The following NFAT5 variants were observed in gnomAD, a reference collection of about 807,000 sequenced individuals.
NFAT5 encodes the protein nuclear factor of activated T cells 5.
A neutral mutation model predicts 166.5 loss-of-function variants in NFAT5; 31 were observed. That is an observed-to-expected ratio of 0.19 (90% CI 0.14 to 0.25). The LOEUF is 0.25. NFAT5 is among the 10% of genes least tolerant of loss of function. NFAT5 has a pLI of 1.00. For synonymous variants in NFAT5, 612 were observed against 639.7 expected (o/e 0.96, Z 0.65); for missense variants, 1,449 against 1,821.8 (o/e 0.80, Z 3.72).
At chr16:69,614,542 A>G (rs932937303) in intron 2 of NFAT5, among the ~76,000 whole-genome samples, 10 of 152,236 alleles carry the variant, frequency 6.6e-5, no homozygotes, top group Non-Finnish European at 1.5e-4. Flanking sequence ...TTGTGAATAT[A>G]GTGCAAATAA....
intron 13 of NFAT5, 79 bp from the exon 14 acceptor site, chr16:69,695,057 C>A: frequency 1.0e-6 from 1 of 1,003,760 alleles, no homozygotes; most frequent in Non-Finnish European, 1.5e-6. Context: ...TGAATCTTTA[C>A]TAATCAGATA....
rs1215637625 is a variant in NFAT5, at chr16:69,626,427, A to C, written c.152A>C (p.Lys51Thr). The change falls in exon 3 of 15, where the codon AAG becomes ACG. Residue 51 changes from lysine (K) to threonine (T), a missense_variant. Physicochemically the swap from Lys to Thr is moderately conservative, Grantham distance 78 (BLOSUM62 -1). Transcript: ENST00000349945. ...LEESVYDLLP[K>T]ELQLPPSRET... is the part of the protein sequence containing the mutation. ...GAATCTGTCTATGATCTTCTCCCAA[A>C]GGAGTTACAGTTACCTCCATCTAGA... 2 of 1,584,168 alleles carry C rather than the reference A, an allele frequency of 1.3e-6. No homozygotes were observed. Among genetic ancestry groups the C allele is most frequent in the Non-Finnish European group, 1.7e-6 (2 of 1,167,396 alleles).
intron 3 of NFAT5, among the ~76,000 whole-genome samples, chr16:69,627,676 TTAAA>T (rs1486195966): frequency 2.6e-5 from 4 of 152,140 alleles, no homozygotes; most frequent in African/African-American, 7.2e-5. Flanking sequence ...CAGGAAAACT[TTAAA>T]TATGGCAAAG....
chr16:69,620,560 C>A (rs139681547), intron 2 of NFAT5, among the ~76,000 whole-genome samples: 2 of 152,088 alleles, frequency 1.3e-5, no homozygotes, highest in Admixed American at 1.3e-4. Context: ...ATAGCAAGAC[C>A]GCGTCTCTAC....
chr16:69,626,611 A>T lies in NFAT5; in HGVS notation c.253+83A>T, dbSNP rs559257444. ...CATGAACAGTGCTGGCAAAATTCAT[A>T]CTAAAAAGAGTGTGATTTGAGGGTT... is the stretch of plus-strand genomic sequence containing the variant. On this transcript the variant is annotated intron_variant, in intron 3 of 14. Transcript: ENST00000349945. 69 of 1,204,538 alleles carry T rather than the reference A, an allele frequency of 5.7e-5. 1 individual carries two copies. The South Asian group carries it at 1.9e-3, about 34-fold the overall frequency. The allele number at this position is 1,204,538 out of a possible 1,614,324, so 74.6% of individuals were successfully genotyped here. A position where few individuals can be genotyped will look rare whatever the true frequency, so the allele number is the denominator to read the frequency against.
chr16:69,662,883 A>G (rs562881170), intron 7 of NFAT5, among the ~76,000 whole-genome samples: 1 of 147,072 alleles, frequency 6.8e-6, no homozygotes, highest in African/African-American at 2.5e-5. Context: ...GAGGAAAAGA[A>G]GAATAAACAT....
At chr16:69,649,478 T>C (rs2035580998) in intron 4 of NFAT5, 2 of 984,176 alleles carry the variant, frequency 2.0e-6, no homozygotes, top group Non-Finnish European at 2.4e-6. Flanking sequence ...CCAGGGAAAG[T>C]ATAATGACAT....
At position 69,680,978 on chromosome 16, in the gene NFAT5, T is replaced by C. The variant is rs529836170; in HGVS notation, c.1690+3643T>C. On this transcript the variant is annotated intron_variant, in intron 10 of 14. Transcript: ENST00000349945. The stretch of plus-strand genomic sequence containing the variant: ...TTTCACCATGTTGGCCAGGCTGGTC[T>C]CTAACTCCTGACCTCAAGTGATCCG... 4.6e-5 allele frequency among the ~76,000 whole-genome samples: 7 copies of C among 152,310 alleles called. No homozygotes were observed. The South Asian group carries it at 1.5e-3, about 32-fold the overall frequency.
intron 11 of NFAT5, among the ~76,000 whole-genome samples, chr16:69,687,784 C>G (rs955408536): frequency 1.3e-5 from 2 of 152,212 alleles, no homozygotes; most frequent in Admixed American, 6.5e-5. Flanking sequence ...ATAATCTTAT[C>G]TGTAAACATG....
At position 69,607,325 on chromosome 16, in the gene NFAT5, T is replaced by C. The variant is rs139726837; in HGVS notation, c.128-19078T>C. Among the ~76,000 whole-genome samples the C allele has an allele frequency of 7.5e-4, 115 of 152,362 alleles. 1 individual carries two copies. In the East Asian group the frequency reaches 0.018, roughly 24 times the overall value. On this transcript the variant is annotated intron_variant, in intron 2 of 14. Transcript: ENST00000349945. Reference sequence around the variant, plus strand: ...TGACACAAGGATCAGATGCTTTGTATAATGGTTGTAGACTTTTCCAAGGAA... The same window carrying C: ...TGACACAAGGATCAGATGCTTTGTACAATGGTTGTAGACTTTTCCAAGGAA...
intron 6 of NFAT5, among the ~76,000 whole-genome samples, chr16:69,657,513 C>A (rs1306468280): frequency 6.6e-6 from 1 of 151,310 alleles, no homozygotes; most frequent in Non-Finnish European, 1.5e-5. Context: ...GTAATCCCAG[C>A]ACTTTGGGAG....
At position 69,647,123 on chromosome 16, in the gene NFAT5, G is replaced by A. The variant is rs1278261387; in HGVS notation, c.349G>A (p.Asp117Asn). The A allele has an allele frequency of 4.3e-6, 7 of 1,613,744 alleles. No homozygotes were observed. The highest frequency in any genetic ancestry group is 5.1e-6 in the Non-Finnish European group (6 of 1,179,822). Residue 117 changes from aspartate (D) to asparagine (N), a missense_variant, in exon 4 of 15, where the codon GAC (aspartate) becomes AAC (asparagine). This residue lies in a region of NFAT5 where 172 missense variants were observed against 194.5 expected (regional missense o/e 0.88). Coordinates refer to ENST00000349945, the MANE Select transcript of NFAT5 (RefSeq NM_138713.4). This position sits in a 1 kb window ranked among gnomAD's most constrained non-coding sequence, Gnocchi z 4.8. ...SPTIYSTSVTDSKAMQVESCS... is the reference protein window; with the variant it reads ...SPTIYSTSVTNSKAMQVESCS... ...TACCATTTATTCTACCTCAGTCACC[G>A]ACAGCAAGGCTATGCAAGTGGAGAG...
rs2037843774 is a variant in NFAT5 at position 69,698,867 on chromosome 16, A to G, written c.*2516A>G. 1 of 152,642 alleles carries G rather than the reference A, an allele frequency of 6.6e-6. No homozygotes were observed. The highest frequency in any genetic ancestry group is 2.4e-5 in the African/African-American group (1 of 41,450). 9.5% of individuals were successfully genotyped at this position (152,642 alleles called of 1,614,324 possible). A position where few individuals can be genotyped will look rare whatever the true frequency, so the allele number is the denominator to read the frequency against. On this transcript the variant is annotated 3_prime_UTR_variant, in exon 15 of 15. Coordinates refer to ENST00000349945, the MANE Select transcript of NFAT5 (RefSeq NM_138713.4). ...AATAACATTTTTCCCATCTTGTAATATCCAGAGCTACTTTATAAATTCTCT... is the reference window on the plus strand; with the variant it reads ...AATAACATTTTTCCCATCTTGTAATGTCCAGAGCTACTTTATAAATTCTCT...
In NFAT5 at chr16:69,655,625, A is replaced by C; in HGVS notation, c.1022A>C (p.Glu341Ala). The change falls in exon 6 of 15, where the codon GAA (glutamate) becomes GCA (alanine). Residue 341 changes from glutamate (E) to alanine (A), a missense_variant. Physicochemically the swap from Glu to Ala is moderately radical, Grantham distance 107 (BLOSUM62 -1). This residue lies in a region of NFAT5 where 13 missense variants were observed against 16.4 expected (regional missense o/e 0.79). Coordinates refer to ENST00000349945, the MANE Select transcript of NFAT5 (RefSeq NM_138713.4). ...FPTVKLEGHNEPVVLQVFVGN... is the reference protein window; with the variant it reads ...FPTVKLEGHNAPVVLQVFVGN... ...TGGTTTCAGCTGGAAGGCCATAATGAACCTGTAGTGTTGCAAGTGTTTGTG... is the reference window on the plus strand; with the variant it reads ...TGGTTTCAGCTGGAAGGCCATAATGCACCTGTAGTGTTGCAAGTGTTTGTG... The C allele has an allele frequency of 6.2e-7, 1 of 1,606,282 alleles. No homozygotes were observed. Among genetic ancestry groups the C allele is most frequent in the Non-Finnish European group, 8.5e-7 (1 of 1,175,704 alleles).
intron 2 of NFAT5, among the ~76,000 whole-genome samples, chr16:69,589,545 A>AT (rs1203041978): frequency 6.6e-6 from 1 of 152,190 alleles, no homozygotes; most frequent in East Asian, 1.9e-4. Context: ...GGCAAAAAAA[A>AT]TTTTAGCAGT....
Position 69,704,122 on chromosome 16 carries a change from A to G in NFAT5, c.*7771A>G, listed in dbSNP as rs2037943840. ...CCTGCACTGAAGTCATTGTGACTTG[A>G]GTAGTTACAGACTGATTCCAGTGAA... is the stretch of plus-strand genomic sequence containing the variant. On this transcript the variant is annotated 3_prime_UTR_variant, in exon 15 of 15. Transcript: ENST00000349945. The G allele has an allele frequency of 6.6e-6, 1 of 152,618 alleles. No individual in the cohort carries two copies. The highest frequency in any genetic ancestry group is 1.5e-5 in the Non-Finnish European group (1 of 68,036). 9.5% of individuals were successfully genotyped at this position (152,618 alleles called of 1,614,324 possible).
chr16:69,609,691 C>CA (rs752116458), intron 2 of NFAT5, among the ~76,000 whole-genome samples: 1 of 151,630 alleles, frequency 6.6e-6, no homozygotes, highest in African/African-American at 2.4e-5. Flanking sequence ...ATAGAAAAGA[C>CA]AAAGTAGGAC....
Position 69,692,259 on chromosome 16 carries a change from A to G in NFAT5, c.2434A>G (p.Ser812Gly), listed in dbSNP as rs2037577104. Residue 812 changes from serine to glycine, a missense_variant, in exon 13 of 15, where the codon AGT becomes GGT. Physicochemically the swap from Ser to Gly is moderately conservative, Grantham distance 56. This residue lies in a region of NFAT5 where 891 missense variants were observed against 993.0 expected (regional missense o/e 0.90). Transcript: ENST00000349945. ...TGSTASGSSG[S>G]VDLVQQVLEA... ...CAGTACTGCTAGTGGCAGCAGTGGA[A>G]GTGTTGACTTGGTCCAACAAGTTTT... The G allele has an allele frequency of 1.9e-6, 3 of 1,614,086 alleles. No individual in the cohort carries two copies. In the African/African-American group the frequency reaches 4.0e-5, roughly 22 times the overall value.
chr16:69,580,158 A>C (rs575662975), intron 2 of NFAT5, among the ~76,000 whole-genome samples: 1 of 152,164 alleles, frequency 6.6e-6, no homozygotes, highest in South Asian at 2.1e-4. Flanking sequence ...TATGTATTTT[A>C]ATATGTAATG....
Sources: gnomAD v4.1 joint callset for allele counts (sites outside exome capture counted in the v4.1 genomes callset) on GRCh38, gnomAD v4.1.1 for gene constraint, gnomAD v4.1.1 regional missense constraint, Gnocchi (gnomAD v3.1) non-coding constraint, MANE v1.5 for transcripts, NCBI Gene and HGNC (gene_info 2026-07-23, HGNC 2026-07-21) for gene names.